The following ADGRG7 variants were observed in gnomAD, a reference collection of about 807,000 sequenced individuals.
ADGRG7 encodes G-protein coupled receptor 128.
Under a neutral mutation model 88.6 loss-of-function variants are expected in ADGRG7, and 82 were observed. The ratio of observed to expected loss-of-function variants is 0.93; its 90% CI spans 0.77 to 1.11. ADGRG7 has a LOEUF of 1.11. Ranked by LOEUF, ADGRG7 falls within the 50% of genes most tolerant of loss-of-function variation. ADGRG7 has a pLI of 0.00. For missense variants in ADGRG7, 945 were observed against 953.4 expected (o/e 0.99, Z 0.12); for synonymous variants, 381 against 345.2 (o/e 1.10, Z -1.15).
At chr3:100,693,844 T>C (rs1426533036) in intron 15 of ADGRG7, among the ~76,000 whole-genome samples, 1 of 152,192 alleles carries the variant, frequency 6.6e-6, no homozygotes, top group Non-Finnish European at 1.5e-5. Flanking sequence ...ATTTCATCTG[T>C]CATTTCCACA....
At chr3:100,637,217 T>C in intron 5 of ADGRG7, 85 bp from the exon 6 acceptor site, 1 of 902,396 alleles carries the variant, frequency 1.1e-6, no homozygotes, top group East Asian at 2.5e-5. Flanking sequence ...TGCCACTTGC[T>C]ACTACAATGA....
intron 6 of ADGRG7, among the ~76,000 whole-genome samples, chr3:100,641,906 C>T (rs186748105): frequency 7.0e-4 from 107 of 152,292 alleles, no homozygotes; most frequent in Admixed American, 3.3e-3. Context: ...AAAAAAACCC[C>T]GTTTCCAAGA....
intron 15 of ADGRG7, among the ~76,000 whole-genome samples, chr3:100,670,571 T>A (rs976551540): frequency 4.6e-5 from 7 of 151,478 alleles, no homozygotes; most frequent in East Asian, 1.9e-4. Context: ...AGCTTTTTTT[T>A]ATTATTAAAC....
intron 10 of ADGRG7, 87 bp downstream of exon 10, chr3:100,646,811 AT>A: frequency 9.0e-7 from 1 of 1,108,044 alleles, no homozygotes; most frequent in South Asian, 1.6e-5. Context: ...TAACTTTGGG[AT>A]TTAATTTACA....
At chr3:100,619,914 C>T (rs1707283279) in intron 1 of ADGRG7, among the ~76,000 whole-genome samples, 1 of 152,052 alleles carries the variant, frequency 6.6e-6, no homozygotes, top group Admixed American at 6.6e-5. Context: ...AGGCAATAAT[C>T]AATAGCTTAC....
At chr3:100,679,703 T>A (rs1355987361) in intron 15 of ADGRG7, among the ~76,000 whole-genome samples, 1 of 152,202 alleles carries the variant, frequency 6.6e-6, no homozygotes, top group Non-Finnish European at 1.5e-5. Flanking sequence ...CTTTAGTCCC[T>A]CTTCTTTGAG....
chr3:100,687,171 ACTCT>A (rs903796270), intron 15 of ADGRG7, among the ~76,000 whole-genome samples: 1 of 151,228 alleles, frequency 6.6e-6, no homozygotes, highest in African/African-American at 2.4e-5. Context: ...TCATGATTTG[ACTCT>A]CTGTCTGTTA....
intron 15 of ADGRG7, among the ~76,000 whole-genome samples, chr3:100,671,820 C>T (rs913821167): frequency 5.9e-5 from 9 of 152,178 alleles, no homozygotes; most frequent in African/African-American, 2.2e-4. Context: ...GGAATCCTTT[C>T]TCCATTGCTT....
chr3:100,684,508 T>C (rs2094978993), intron 15 of ADGRG7, among the ~76,000 whole-genome samples: 1 of 152,146 alleles, frequency 6.6e-6, no homozygotes, highest in Non-Finnish European at 1.5e-5. Context: ...GCTCAAGTGG[T>C]CATCCTGCGT....
At chr3:100,621,604 A>C (rs1707312392) in intron 1 of ADGRG7, among the ~76,000 whole-genome samples, 1 of 152,224 alleles carries the variant, frequency 6.6e-6, no homozygotes. Context: ...GTTGGAATCT[A>C]GCAGAGATTG....
chr3:100,633,183 A>T (rs1391528396), intron 3 of ADGRG7, 82 bp from the exon 4 acceptor site: 1 of 599,730 alleles, frequency 1.7e-6, no homozygotes, highest in South Asian at 7.2e-5. Flanking sequence ...AACTTTTAAT[A>T]AAAATTAGTT....
chr3:100,643,456 G>A, intron 7 of ADGRG7, 51 bp downstream of exon 7: 1 of 1,609,374 alleles, frequency 6.2e-7, no homozygotes, highest in Non-Finnish European at 8.5e-7. Flanking sequence ...TTCTGCTACT[G>A]ATGATGAATA....
intron 1 of ADGRG7, among the ~76,000 whole-genome samples, chr3:100,625,936 GA>G (rs1405429075): frequency 4.0e-5 from 6 of 151,418 alleles, no homozygotes; most frequent in African/African-American, 1.5e-4. Context: ...TTTTTGCATC[GA>G]TGTGCATCAG....
At chr3:100,667,435 T>A (rs188097459) in intron 14 of ADGRG7, among the ~76,000 whole-genome samples, 1 of 152,318 alleles carries the variant, frequency 6.6e-6, no homozygotes, top group East Asian at 1.9e-4. Flanking sequence ...TATTTGTTTT[T>A]GTGATCTTGT....
chr3:100,630,322 G>A (rs1050339443), intron 2 of ADGRG7, among the ~76,000 whole-genome samples: 1 of 152,060 alleles, frequency 6.6e-6, no homozygotes, highest in Non-Finnish European at 1.5e-5. Flanking sequence ...ACTCCTACCA[G>A]TCAATATATC....
At chr3:100,650,316 C>T (rs2149027705) in intron 11 of ADGRG7, among the ~76,000 whole-genome samples, 1 of 152,266 alleles carries the variant, frequency 6.6e-6, no homozygotes, top group Middle Eastern at 3.4e-3. Context: ...ACCTTGACCC[C>T]TTCATTTGAG....
At position 100,669,112 on chromosome 3, in the gene ADGRG7, T is replaced by G; in HGVS notation, c.2136+7T>G. On this transcript the variant is annotated splice_region_variant and intron_variant, in intron 15 of 15. Transcript: ENST00000273352. ...CCTTTTCAACACTACACAGGTATGG[T>G]GCGGATTAGTCTGAAAGTAGCAGAA... is the stretch of plus-strand genomic sequence containing the variant. The G allele has an allele frequency of 6.5e-7, 1 of 1,534,936 alleles. No homozygotes were observed. Among genetic ancestry groups the G allele is most frequent in the Non-Finnish European group, 8.8e-7 (1 of 1,141,304 alleles).
intron 14 of ADGRG7, among the ~76,000 whole-genome samples, chr3:100,666,478 C>A (rs956584000): frequency 2.6e-5 from 4 of 152,200 alleles, no homozygotes; most frequent in Non-Finnish European, 4.4e-5. Context: ...ATAAACATCT[C>A]AATGCTTTAC....
rs542156056 is a variant in ADGRG7, at chr3:100,687,014, A to G, written c.2137-7730A>G. Among the ~76,000 whole-genome samples, 38 of 152,318 alleles carry G rather than the reference A, an allele frequency of 2.5e-4. No individual in the cohort carries two copies. The East Asian group carries it at 7.3e-3, about 29-fold the overall frequency. Reference sequence around the variant, plus strand: ...ATATTGATTCTTCCTACCCATGAGCATGGAATGTTCTTCCATTTGTTTGTA... The same window carrying G: ...ATATTGATTCTTCCTACCCATGAGCGTGGAATGTTCTTCCATTTGTTTGTA... On this transcript the variant is annotated intron_variant, in intron 15 of 15. Transcript: ENST00000273352.
Sources: allele counts gnomAD v4.1 joint callset (sites outside exome capture counted in the v4.1 genomes callset), GRCh38; gene constraint gnomAD v4.1.1; transcripts MANE v1.5; gene names NCBI Gene and HGNC (gene_info 2026-07-23, HGNC 2026-07-21).